Variants in SCAF8 observed in about 807,000 individuals in gnomAD.
SCAF8 encodes SR-related and CTD-associated factor 8.
A neutral mutation model predicts 140.5 loss-of-function variants in SCAF8; 23 were observed. The ratio of observed to expected loss-of-function variants is 0.16; its 90% CI spans 0.12 to 0.23. The LOEUF (loss-of-function observed/expected upper bound fraction) is 0.23. Among genes scored for constraint, SCAF8 ranks in the 10% least tolerant of loss-of-function variants. SCAF8 has a pLI of 1.00. For synonymous variants in SCAF8, 575 were observed against 528.9 expected (o/e 1.09, Z -1.20); for missense variants, 1,397 against 1,555.7 (o/e 0.90, Z 1.72).
At chr6:154,830,045 C>CA (rs1403548390) in intron 18 of SCAF8, among the ~76,000 whole-genome samples, 1 of 152,162 alleles carries the variant, frequency 6.6e-6, no homozygotes, top group African/African-American at 2.4e-5. Context: ...ACCCTAGGGC[C>CA]AACCTCCCAA....
intron 1 of SCAF8, among the ~76,000 whole-genome samples, chr6:154,750,885 G>C (rs1227233690): frequency 6.6e-6 from 1 of 151,762 alleles, no homozygotes; most frequent in Non-Finnish European, 1.5e-5. Context: ...TCTTTTTCTT[G>C]TTCTCATTTT....
rs115487564 is a variant in SCAF8, at chr6:154,776,357, T to C, written c.115-1644T>C. Among the ~76,000 whole-genome samples, 53 of 152,198 alleles carry C rather than the reference T, an allele frequency of 3.5e-4. 1 individual carries two copies. Among genetic ancestry groups the C allele is most frequent in the African/African-American group, 1.3e-3 (53 of 41,552 alleles). ...TTTATCAATCAGATTTAAATGATACTGTGTTTCATATTGAGGTAAGTCATT... is the reference window on the plus strand; with the variant it reads ...TTTATCAATCAGATTTAAATGATACCGTGTTTCATATTGAGGTAAGTCATT... On this transcript the variant is annotated intron_variant, in intron 2 of 19. Transcript: ENST00000367178.
chr6:154,770,242 C>T (rs916772829), intron 1 of SCAF8, among the ~76,000 whole-genome samples: 3 of 151,876 alleles, frequency 2.0e-5, no homozygotes, highest in African/African-American at 7.3e-5. Flanking sequence ...TGACTTGAGC[C>T]CAGGAGTGTA....
chr6:154,789,543 A>G (rs530767689), intron 4 of SCAF8, among the ~76,000 whole-genome samples: 48 of 149,410 alleles, frequency 3.2e-4, no homozygotes, highest in African/African-American at 1.1e-3. Flanking sequence ...GAATGCTTCT[A>G]ATTTTTTTTT....
At chr6:154,799,065 C>T (rs1235705773) in intron 6 of SCAF8, among the ~76,000 whole-genome samples, 1 of 151,006 alleles carries the variant, frequency 6.6e-6, no homozygotes, top group African/African-American at 2.4e-5. Context: ...TCACTGCACC[C>T]TCCGCCTCCC....
intron 3 of SCAF8, among the ~76,000 whole-genome samples, chr6:154,778,990 T>C (rs1328937970): frequency 6.6e-6 from 1 of 152,198 alleles, no homozygotes; most frequent in African/African-American, 2.4e-5. Context: ...AAGATCTTTC[T>C]TTAAAAGTTT....
intron 3 of SCAF8, among the ~76,000 whole-genome samples, chr6:154,784,548 T>C (rs1777196075): frequency 6.6e-6 from 1 of 152,128 alleles, no homozygotes; most frequent in Non-Finnish European, 1.5e-5. Flanking sequence ...GGATCAAAAT[T>C]TGGGGAAAAA....
At chr6:154,771,132 T>G (rs376771648) in intron 1 of SCAF8, among the ~76,000 whole-genome samples, 29 of 152,334 alleles carry the variant, frequency 1.9e-4, no homozygotes, top group African/African-American at 6.3e-4. Context: ...CTGTGACATA[T>G]CTTTTAAAAA....
rs58013583 is a variant in SCAF8, at chr6:154,831,703, T to TAA, written c.2360-198_2360-197dup. Reference sequence around the variant, plus strand: ...CCTTTTAAACCTCCACTCCTGTTCTTAAAAAAAAAAAAAAAAAAAAAAAAA... The same window carrying TAA: ...CCTTTTAAACCTCCACTCCTGTTCTTAAAAAAAAAAAAAAAAAAAAAAAAAAA... On this transcript the variant is annotated intron_variant, in intron 19 of 19. Transcript: ENST00000367178. Among the ~76,000 whole-genome samples the TAA allele has an allele frequency of 4.5e-3, 215 of 48,094 alleles. 12 individuals are homozygous for TAA. The highest frequency in any genetic ancestry group is 6.1e-3 in the Non-Finnish European group (159 of 26,010). The allele number at this position is 48,094 out of a possible 152,430, so 31.6% of individuals were successfully genotyped here. A position where few individuals can be genotyped will look rare whatever the true frequency, so the allele number is the denominator to read the frequency against.
At chr6:154,799,852 T>A (rs1777719301) in intron 6 of SCAF8, among the ~76,000 whole-genome samples, 2 of 151,188 alleles carry the variant, frequency 1.3e-5, no homozygotes, top group Non-Finnish European at 3.0e-5. Flanking sequence ...TGGCGCAATC[T>A]CGGCTCATTG....
intron 6 of SCAF8, among the ~76,000 whole-genome samples, chr6:154,796,443 C>T (rs1777612820): frequency 6.6e-6 from 1 of 150,586 alleles, no homozygotes; most frequent in Admixed American, 6.7e-5. Flanking sequence ...TGAGGCAGTA[C>T]ATTTAAATAT....
chr6:154,773,539 T>C (rs1776833307), intron 1 of SCAF8, among the ~76,000 whole-genome samples: 1 of 152,224 alleles, frequency 6.6e-6, no homozygotes, highest in Non-Finnish European at 1.5e-5. Flanking sequence ...TTATTATTTT[T>C]TCTTTCTTTT....
chr6:154,795,801 T>A (rs903447733), intron 6 of SCAF8, among the ~76,000 whole-genome samples: 3 of 152,202 alleles, frequency 2.0e-5, no homozygotes, highest in Admixed American at 2.0e-4. Flanking sequence ...ATGGGAAGGA[T>A]TGCTGTCTTT....
intron 2 of SCAF8, among the ~76,000 whole-genome samples, chr6:154,777,748 T>C (rs1290751423): frequency 6.6e-6 from 1 of 152,180 alleles, no homozygotes; most frequent in African/African-American, 2.4e-5. Flanking sequence ...TCAATAGCAT[T>C]ATTTTATATC....
At chr6:154,761,032 C>A (rs1179879253) in intron 1 of SCAF8, among the ~76,000 whole-genome samples, 1 of 151,936 alleles carries the variant, frequency 6.6e-6, no homozygotes, top group Non-Finnish European at 1.5e-5. Flanking sequence ...GAACTCCTGG[C>A]CTCAAGCGAT....
rs1486893710 is a variant in SCAF8 at position 154,832,200 on chromosome 6, C to A, written c.2621C>A (p.Pro874Gln). ...NSSGLLGVLP[P>Q]NIPNNSGLVG... is the part of the protein sequence containing the mutation. ...TCTGGACTTTTGGGAGTGCTACCCCCAAATATACCTAACAATTCTGGACTT... is the reference window on the plus strand; with the variant it reads ...TCTGGACTTTTGGGAGTGCTACCCCAAAATATACCTAACAATTCTGGACTT... Residue 874 changes from proline (P) to glutamine (Q), a missense_variant, in exon 20 of 20, where the codon CCA (proline) becomes CAA (glutamine). By Grantham distance (76) the Pro-to-Gln change is moderately conservative (BLOSUM62 -1). This residue lies in a region of SCAF8 where 930 missense variants were observed against 874.6 expected (regional missense o/e 1.06). Coordinates refer to ENST00000367178, the MANE Select transcript of SCAF8 (RefSeq NM_014892.5). 1 of 1,614,090 alleles carries A rather than the reference C, an allele frequency of 6.2e-7. No individual in the cohort carries two copies. The highest frequency in any genetic ancestry group is 1.7e-5 in the Admixed American group (1 of 60,010).
intron 1 of SCAF8, among the ~76,000 whole-genome samples, chr6:154,740,413 T>G (rs895731987): frequency 6.6e-5 from 10 of 152,144 alleles, no homozygotes; most frequent in Non-Finnish European, 1.0e-4. Context: ...ATCACTGATT[T>G]AGGTCTCCTG....
At chr6:154,786,059 C>G (rs550411958) in intron 3 of SCAF8, among the ~76,000 whole-genome samples, 1 of 152,158 alleles carries the variant, frequency 6.6e-6, no homozygotes, top group African/African-American at 2.4e-5. Flanking sequence ...AGGAGAATTG[C>G]AATGGAGAAT....
intron 6 of SCAF8, among the ~76,000 whole-genome samples, chr6:154,796,786 A>G (rs1777620896): frequency 6.6e-6 from 1 of 152,142 alleles, no homozygotes; most frequent in Non-Finnish European, 1.5e-5. Flanking sequence ...TAGCCGGGCC[A>G]ACGTGGTGAA....
Sources: gnomAD v4.1 joint callset for allele counts (sites outside exome capture counted in the v4.1 genomes callset) on GRCh38, gnomAD v4.1.1 for gene constraint, gnomAD v4.1.1 regional missense constraint, MANE v1.5 for transcripts, NCBI Gene and HGNC (gene_info 2026-07-23, HGNC 2026-07-21) for gene names.